The following TTC28 variants were observed in gnomAD, a reference collection of about 807,000 sequenced individuals.
TTC28 encodes the protein tetratricopeptide repeat domain 28, also known as tetratricopeptide repeat protein 28.
TTC28 carries 61 observed loss-of-function variants against 198.0 expected under a neutral mutation model. The observed-to-expected ratio is 0.31, with a 90% confidence interval of 0.25 to 0.38. The LOEUF (loss-of-function observed/expected upper bound fraction) is 0.38. TTC28 is among the 10% of genes least tolerant of loss of function. The probability of loss-of-function intolerance (pLI) is 1.00; values close to 1 mark genes in which losing one functional copy is unlikely to be tolerated. For synonymous variants in TTC28, 1,171 were observed against 1,297.8 expected (o/e 0.90, Z 2.10); for missense variants, 2,678 against 3,164.0 (o/e 0.85, Z 3.69).
At chr22:28,145,251 A>G (rs1943440403) in intron 6 of TTC28, among the ~76,000 whole-genome samples, 2 of 152,178 alleles carry the variant, frequency 1.3e-5, no homozygotes. Context: ...AGAAGCAAAT[A>G]TATTATTATT....
intron 2 of TTC28, among the ~76,000 whole-genome samples, chr22:28,540,904 T>C (rs972377192): frequency 6.6e-6 from 1 of 152,156 alleles, no homozygotes; most frequent in Non-Finnish European, 1.5e-5. Context: ...CCAGATCCAG[T>C]CTTCACTCTT....
At chr22:28,401,232 TGAC>T (rs879357486) in intron 2 of TTC28, among the ~76,000 whole-genome samples, 32 of 151,388 alleles carry the variant, frequency 2.1e-4, no homozygotes, top group East Asian at 1.2e-3. Context: ...ACGACGACGA[TGAC>T]GACGACGACG....
At chr22:28,591,030 CACACACACACATATATATATATAT>C (rs1260303788) in intron 2 of TTC28, among the ~76,000 whole-genome samples, 53 of 68,514 alleles carry the variant, frequency 7.7e-4, no homozygotes, top group Non-Finnish European at 1.2e-3. Context: ...CACACACACA[CACACACACACATATATATATATAT>C]ATATATATAT....
At chr22:28,461,212 T>C in intron 2 of TTC28, among the ~76,000 whole-genome samples, 1 of 152,222 alleles carries the variant, frequency 6.6e-6, no homozygotes, top group East Asian at 1.9e-4. Context: ...TTCATCTTTA[T>C]ATTCCCAGTG....
At chr22:28,119,384 C>A (rs963104422) in intron 6 of TTC28, among the ~76,000 whole-genome samples, 1 of 152,188 alleles carries the variant, frequency 6.6e-6, no homozygotes, top group African/African-American at 2.4e-5. Context: ...GAGTACAACT[C>A]ACTGTCTTAG....
chr22:28,288,755 G>C (rs1267145782), intron 5 of TTC28, among the ~76,000 whole-genome samples: 1 of 150,640 alleles, frequency 6.6e-6, no homozygotes, highest in Admixed American at 6.6e-5. Context: ...GGAGCTTGCA[G>C]TGAGCCGAGA....
At chr22:28,415,597 C>T (rs2047156527) in intron 2 of TTC28, among the ~76,000 whole-genome samples, 1 of 152,136 alleles carries the variant, frequency 6.6e-6, no homozygotes, top group Non-Finnish European at 1.5e-5. Flanking sequence ...TATATTATCC[C>T]TTGAGATGTA....
intron 19 of TTC28, 48 bp downstream of exon 19, chr22:27,992,539 A>G (rs1462628983): frequency 1.3e-6 from 2 of 1,538,822 alleles, no homozygotes; most frequent in African/African-American, 1.4e-5. Context: ...GCCTTTCCAA[A>G]TCAGCATGGG....
chr22:28,498,095 C>T (rs1259686327), intron 2 of TTC28, among the ~76,000 whole-genome samples: 1 of 150,516 alleles, frequency 6.6e-6, no homozygotes. Context: ...CCATCTTAAA[C>T]TGGCTGTTGT....
At chr22:28,633,120 A>G (rs1199973874) in intron 1 of TTC28, among the ~76,000 whole-genome samples, 4 of 151,892 alleles carry the variant, frequency 2.6e-5, no homozygotes, top group African/African-American at 9.7e-5. Context: ...TCTCTACTAA[A>G]TATACAAAAA....
chr22:28,040,670 C>T (rs552093556), intron 12 of TTC28, among the ~76,000 whole-genome samples: 74 of 152,078 alleles, frequency 4.9e-4, no homozygotes, highest in African/African-American at 1.2e-3. Flanking sequence ...CTTTGAAAAC[C>T]GGTACAAGAA....
intron 5 of TTC28, among the ~76,000 whole-genome samples, chr22:28,247,048 T>A (rs1930156386): frequency 6.6e-6 from 1 of 152,198 alleles, no homozygotes; most frequent in African/African-American, 2.4e-5. Context: ...CCTGGGCAGT[T>A]ACGCCAAATA....
chr22:28,098,336 G>C (rs1259317227), intron 10 of TTC28, among the ~76,000 whole-genome samples: 1 of 152,168 alleles, frequency 6.6e-6, no homozygotes, highest in Non-Finnish European at 1.5e-5. Context: ...CTAGTGGTGA[G>C]AGGGAACCTA....
At chr22:28,297,246 C>G (rs1173321044) in intron 4 of TTC28, among the ~76,000 whole-genome samples, 3 of 151,872 alleles carry the variant, frequency 2.0e-5, no homozygotes, top group African/African-American at 7.3e-5. Context: ...GGGTTTTGCT[C>G]TGTTGCCCAG....
chr22:28,588,847 G>T (rs1448964091), intron 2 of TTC28, among the ~76,000 whole-genome samples: 1 of 152,052 alleles, frequency 6.6e-6, no homozygotes, highest in Non-Finnish European at 1.5e-5. Context: ...AGCCAATTTT[G>T]TTATAACATT....
chr22:28,411,528 T>C (rs1569311289), intron 2 of TTC28, among the ~76,000 whole-genome samples: 1 of 152,164 alleles, frequency 6.6e-6, no homozygotes, highest in Non-Finnish European at 1.5e-5. Flanking sequence ...CAGAAAGCAA[T>C]GCTTACAAGA....
At chr22:27,998,405 C>G in intron 16 of TTC28, 135 bp downstream of exon 16, 2 of 1,368,064 alleles carry the variant, frequency 1.5e-6, no homozygotes, top group Non-Finnish European at 1.9e-6. Context: ...AGCACACAGG[C>G]TCTCTCCCTG....
At chr22:28,457,675 T>C (rs1006790921) in intron 2 of TTC28, among the ~76,000 whole-genome samples, 5 of 152,196 alleles carry the variant, frequency 3.3e-5, no homozygotes, top group African/African-American at 9.6e-5. Flanking sequence ...AATAGTACCA[T>C]ACTGTTTTAA....
chr22:28,629,871 C>T (rs1601640717), intron 1 of TTC28, 41 bp from the exon 2 acceptor site: 1 of 1,500,920 alleles, frequency 6.7e-7, no homozygotes, highest in Non-Finnish European at 8.9e-7. Flanking sequence ...TTCAGATAAT[C>T]CAGATGGGTT....
Sources: allele counts gnomAD v4.1 joint callset (sites outside exome capture counted in the v4.1 genomes callset), GRCh38; gene constraint gnomAD v4.1.1; transcripts MANE v1.5; gene names NCBI Gene and HGNC (gene_info 2026-07-23, HGNC 2026-07-21).